The following AMPD3 variants were observed in gnomAD, a reference collection of about 807,000 sequenced individuals.
AMPD3 encodes the protein adenosine monophosphate deaminase 3, also known as AMP deaminase 3.
In AMPD3, 57 loss-of-function variants were observed where a neutral mutation model predicts 82.3. The ratio of observed to expected loss-of-function variants is 0.69; its 90% CI spans 0.56 to 0.86. The LOEUF is 0.86. Ranked by LOEUF, AMPD3 falls within the 40% of genes least tolerant of loss-of-function variation. The pLI is 0.00. For synonymous variants in AMPD3, 381 were observed against 394.7 expected, an observed-to-expected ratio of 0.97 and a Z score of 0.41; for missense variants, 870 against 1,003.8, an observed-to-expected ratio of 0.87 and a Z score of 1.80.
intron 2 of AMPD3, chr11:10,473,581 C>T (rs1848653778): frequency 1.0e-6 from 1 of 985,292 alleles, no homozygotes; most frequent in African/African-American, 1.7e-5. Context: ...ATCAAAGTTA[C>T]ACCCACCTGG....
In AMPD3 at chr11:10,456,828, G is replaced by A. The variant is rs34947038; in HGVS notation, c.-6+1380G>A. Among the ~76,000 whole-genome samples, 880 of 152,324 alleles carry A rather than the reference G, an allele frequency of 5.8e-3. 5 individuals are homozygous for A. Among genetic ancestry groups the A allele is most frequent in the Middle Eastern group, 0.054 (16 of 294 alleles). On this transcript the variant is annotated intron_variant, in intron 1 of 14. Transcript: ENST00000396553. The surrounding 1 kb of genome is among the most constrained non-coding windows in gnomAD (Gnocchi z 4.3). ...AGAGGAGAGACACTCTGGAGGGACG[G>A]GTTGGCAGGTGGGAGCTGTCTGCCA...
chr11:10,470,728 A>G (rs1166471691), intron 2 of AMPD3, among the ~76,000 whole-genome samples: 1 of 152,256 alleles, frequency 6.6e-6, no homozygotes, highest in Non-Finnish European at 1.5e-5. Flanking sequence ...CTAGGAGAAT[A>G]AAATAGCTAG....
upstream of AMPD3, among the ~76,000 whole-genome samples, chr11:10,452,492 G>A (rs1049440849): frequency 9.9e-5 from 15 of 152,098 alleles, no homozygotes; most frequent in South Asian, 4.2e-4. Flanking sequence ...TACAGTCACC[G>A]AGAAGTACCA....
upstream of AMPD3, among the ~76,000 whole-genome samples, chr11:10,452,043 AATAATG>A (rs2133799136): frequency 6.6e-6 from 1 of 152,242 alleles, no homozygotes; most frequent in African/African-American, 2.4e-5. Flanking sequence ...CCTCTCTAGG[AATAATG>A]ACACCTGCAT....
intron 1 of AMPD3, among the ~76,000 whole-genome samples, chr11:10,460,368 G>C (rs1160838530): frequency 6.6e-6 from 1 of 150,914 alleles, no homozygotes; most frequent in African/African-American, 2.4e-5. Context: ...CAAAGTGCTG[G>C]TATTACAGGC....
At chr11:10,502,570 G>T in intron 12 of AMPD3, 151 bp from the exon 13 acceptor site, 1 of 1,578,736 alleles carries the variant, frequency 6.3e-7, no homozygotes, top group Non-Finnish European at 8.6e-7. Context: ...TGAGTGTCCT[G>T]GCTTCGAGGA....
At chr11:10,491,954 G>A (rs971340256) in intron 6 of AMPD3, among the ~76,000 whole-genome samples, 3 of 152,200 alleles carry the variant, frequency 2.0e-5, no homozygotes, top group African/African-American at 7.2e-5. Flanking sequence ...CACAGAAATG[G>A]AACAGATCAC....
chr11:10,452,687 TCTC>T (rs1258585921), upstream of AMPD3, among the ~76,000 whole-genome samples: 1 of 152,202 alleles, frequency 6.6e-6, no homozygotes, highest in Admixed American at 6.5e-5. Context: ...TCCTAGTTCT[TCTC>T]TCTCGTATCT....
At chr11:10,487,683 G>T (rs1021485852) in intron 6 of AMPD3, among the ~76,000 whole-genome samples, 1 of 152,206 alleles carries the variant, frequency 6.6e-6, no homozygotes, top group South Asian at 2.1e-4. Context: ...GTTGAGCACA[G>T]CCTACTTTTA....
chr11:10,480,378 G>A (rs939488918), intron 3 of AMPD3, among the ~76,000 whole-genome samples: 4 of 152,116 alleles, frequency 2.6e-5, no homozygotes, highest in African/African-American at 9.7e-5. Context: ...CTAGGATGTC[G>A]GTGTCTGCTC....
At chr11:10,501,900 A>G (rs1849591360) in intron 12 of AMPD3, 1 of 984,432 alleles carries the variant, frequency 1.0e-6, no homozygotes, top group African/African-American at 1.7e-5. Flanking sequence ...GTTTATTATC[A>G]TAATGAACAC....
In AMPD3 at chr11:10,503,274, C is replaced by T. The variant is rs146822144; in HGVS notation, c.2016+380C>T. ...TCATGAAGATAATGAATCAAAGGTT[C>T]TAACATAGTGTCTGCATATATTCAA... On this transcript the variant is annotated intron_variant, in intron 13 of 14. Transcript: ENST00000396553. Among the ~76,000 whole-genome samples, 303 of 152,302 alleles carry T rather than the reference C, an allele frequency of 2.0e-3. 2 individuals carry two copies. Among genetic ancestry groups the T allele is most frequent in the African/African-American group, 6.8e-3 (281 of 41,560 alleles).
At chr11:10,494,692 A>T (rs1261011441) in intron 7 of AMPD3, 2 of 985,292 alleles carry the variant, frequency 2.0e-6, no homozygotes, top group Non-Finnish European at 2.4e-6. Flanking sequence ...GTTCCTTCAC[A>T]GGGGGCCTTG....
At chr11:10,457,189 C>G (rs1031900782) in intron 1 of AMPD3, among the ~76,000 whole-genome samples, 1 of 151,598 alleles carries the variant, frequency 6.6e-6, no homozygotes, top group African/African-American at 2.4e-5. Flanking sequence ...ACATATTGCA[C>G]CAGGCTGATC....
intron 2 of AMPD3, among the ~76,000 whole-genome samples, chr11:10,463,917 G>T (rs1371153207): frequency 6.6e-6 from 1 of 152,202 alleles, no homozygotes; most frequent in African/African-American, 2.4e-5. Context: ...GGCAGAGGAA[G>T]ACATCCTGCC....
At chr11:10,469,418 T>C (rs7110563) in intron 2 of AMPD3, among the ~76,000 whole-genome samples, 126,146 of 152,148 alleles carry the variant, frequency 0.83, 52,512 homozygotes, top group East Asian at 0.93. Context: ...AATTCCTGGA[T>C]GCATACACTC....
At chr11:10,471,683 A>G (rs1848594976) in intron 2 of AMPD3, among the ~76,000 whole-genome samples, 1 of 152,274 alleles carries the variant, frequency 6.6e-6, no homozygotes, top group African/African-American at 2.4e-5. Flanking sequence ...GCAGCCAACA[A>G]ACATATGAAA....
intron 2 of AMPD3, chr11:10,477,133 G>A (rs1028824719): frequency 1.2e-5 from 12 of 984,566 alleles, no homozygotes; most frequent in Non-Finnish European, 1.4e-5. Flanking sequence ...CAGGCCAAGA[G>A]GAAGAGAGCT....
chr11:10,500,688 A>G (rs1849553988), intron 11 of AMPD3: 1 of 985,314 alleles, frequency 1.0e-6, no homozygotes. Flanking sequence ...TCAGCAAATC[A>G]CTGCATCTGG....
Sources: gnomAD v4.1 joint callset for allele counts (sites outside exome capture counted in the v4.1 genomes callset) on GRCh38, gnomAD v4.1.1 for gene constraint, Gnocchi (gnomAD v3.1) non-coding constraint, MANE v1.5 for transcripts, NCBI Gene and HGNC (gene_info 2026-07-23, HGNC 2026-07-21) for gene names.